UTRN: variants seen among roughly 807,000 people sequenced by gnomAD.
UTRN encodes utrophin.
Under a neutral mutation model 463.9 loss-of-function variants are expected in UTRN, and 283 were observed. The observed-to-expected ratio is 0.61, with a 90% CI of 0.55 to 0.67. UTRN has a LOEUF of 0.67. Among genes scored for constraint, UTRN ranks in the 30% least tolerant of loss-of-function variants. The pLI, the probability that UTRN is intolerant of heterozygous loss-of-function variation, is 0.00. For missense variants in UTRN, 3,922 were observed against 4,084.3 expected (o/e 0.96, Z 1.08); for synonymous variants, 1,442 against 1,431.5 (o/e 1.01, Z -0.17).
At chr6:144,553,906 ACT>A (rs1463167370) in intron 48 of UTRN, among the ~76,000 whole-genome samples, 11 of 134,554 alleles carry the variant, frequency 8.2e-5, no homozygotes, top group Middle Eastern at 8.0e-3. Context: ...ACAGAGCAAG[ACT>A]CTCTCTCAAA....
chr6:144,706,282 G>A (rs1237168629), intron 53 of UTRN, among the ~76,000 whole-genome samples: 1 of 148,130 alleles, frequency 6.8e-6, no homozygotes, highest in African/African-American at 2.5e-5. Context: ...ATATTCCATT[G>A]ATCAGGAAAA....
intron 65 of UTRN, among the ~76,000 whole-genome samples, chr6:144,808,553 T>C (rs1778345288): frequency 6.6e-6 from 1 of 152,084 alleles, no homozygotes; most frequent in African/African-American, 2.4e-5. Flanking sequence ...AGATGAGATC[T>C]AGTCTGTTAG....
At chr6:144,554,532 T>C (rs552665486) in intron 48 of UTRN, among the ~76,000 whole-genome samples, 156 bp from the exon 49 acceptor site, 13 of 152,332 alleles carry the variant, frequency 8.5e-5, no homozygotes, top group African/African-American at 3.1e-4. Context: ...TTGTATAGGA[T>C]GGCAGATGTA....
At chr6:144,555,877 A>G (rs1054675858) in intron 49 of UTRN, among the ~76,000 whole-genome samples, 3 of 152,206 alleles carry the variant, frequency 2.0e-5, no homozygotes, top group African/African-American at 7.2e-5. Flanking sequence ...TATTTTTATT[A>G]ATAAGTTTTT....
At chr6:144,761,999 A>G (rs1283066565) in intron 58 of UTRN, among the ~76,000 whole-genome samples, 3 of 152,220 alleles carry the variant, frequency 2.0e-5, no homozygotes, top group Non-Finnish European at 4.4e-5. Flanking sequence ...GTAATAAATT[A>G]CATTTTTGAA....
chr6:144,533,233 T>C lies in UTRN; in HGVS notation c.6206T>C (p.Val2069Ala), dbSNP rs759562912. Residue 2069 changes from valine to alanine, a missense_variant, in exon 43 of 75, where the codon GTT becomes GCT. Transcript: ENST00000367545. ...AGLNQRWDAI[V>A]AEVKDRQPRL... ...TTAAACCAACGCTGGGATGCAATTG[T>C]TGCAGAAGTGAAGGATAGGCAGCCA... 9 of 1,614,014 alleles carry C rather than the reference T, an allele frequency of 5.6e-6. No homozygotes were observed. The East Asian group carries it at 1.8e-4, about 32-fold the overall frequency.
chr6:144,479,475 C>A (rs1791624977), intron 25 of UTRN, among the ~76,000 whole-genome samples: 1 of 151,894 alleles, frequency 6.6e-6, no homozygotes, highest in Non-Finnish European at 1.5e-5. Context: ...ATAAGTAGTG[C>A]TACATTAAAT....
intron 55 of UTRN, among the ~76,000 whole-genome samples, chr6:144,750,163 C>A (rs1385172215): frequency 6.6e-6 from 1 of 150,942 alleles, no homozygotes; most frequent in African/African-American, 2.4e-5. Flanking sequence ...CCTTTGCCCA[C>A]CCTAACCCAC....
At chr6:144,615,574 A>G (rs1396955526) in intron 51 of UTRN, among the ~76,000 whole-genome samples, 1 of 152,070 alleles carries the variant, frequency 6.6e-6, no homozygotes, top group African/African-American at 2.4e-5. Flanking sequence ...GTCACGCTTG[A>G]TTGCTCATTT....
At chr6:144,722,188 C>A (rs1225447820) in intron 53 of UTRN, among the ~76,000 whole-genome samples, 2 of 152,212 alleles carry the variant, frequency 1.3e-5, no homozygotes, top group Non-Finnish European at 2.9e-5. Flanking sequence ...ATTCTTCACT[C>A]ACTCAGCTCT....
At chr6:144,703,948 A>T (rs1449655251) in intron 53 of UTRN, among the ~76,000 whole-genome samples, 1 of 152,186 alleles carries the variant, frequency 6.6e-6, no homozygotes, top group African/African-American at 2.4e-5. Flanking sequence ...TTATTTTATT[A>T]TTCAGCATGT....
intron 2 of UTRN, among the ~76,000 whole-genome samples, chr6:144,356,629 A>G (rs1778570343): frequency 6.6e-6 from 1 of 152,204 alleles, no homozygotes; most frequent in African/African-American, 2.4e-5. Flanking sequence ...CCTGGCTAAC[A>G]TGGTGAAACC....
chr6:144,630,307 G>A (rs1776376123), intron 51 of UTRN, among the ~76,000 whole-genome samples: 1 of 152,120 alleles, frequency 6.6e-6, no homozygotes, highest in Non-Finnish European at 1.5e-5. Flanking sequence ...CTTTGCTGAG[G>A]GCCTGTGTAT....
chr6:144,383,601 C>T (rs1042235420), intron 2 of UTRN, among the ~76,000 whole-genome samples: 27 of 152,296 alleles, frequency 1.8e-4, no homozygotes, highest in Non-Finnish European at 3.4e-4. Context: ...CAATATACTT[C>T]TCCCCTCCTC....
chr6:144,295,878 G>C (rs1218901894), intron 2 of UTRN, among the ~76,000 whole-genome samples: 1 of 152,142 alleles, frequency 6.6e-6, no homozygotes, highest in Admixed American at 6.5e-5. Flanking sequence ...TTCTCCAAAG[G>C]CCCAGTGTGT....
chr6:144,612,169 A>T (rs1320628368), intron 51 of UTRN, among the ~76,000 whole-genome samples: 1 of 152,156 alleles, frequency 6.6e-6, no homozygotes, highest in African/African-American at 2.4e-5. Flanking sequence ...CTGGATATCC[A>T]CATGTAAAAG....
At position 144,487,640 on chromosome 6, in the gene UTRN, T is replaced by C. The variant is rs1476515837; in HGVS notation, c.3915T>C (p.Asp1305=). The change falls in exon 29 of 75, where the codon GAT becomes GAC. Residue 1305 remains aspartate, a synonymous_variant. Coordinates refer to ENST00000367545, the MANE Select transcript of UTRN (RefSeq NM_007124.3). ...TGATTGATGGGGGGATCCTGGATGA[T>C]ATAATCAGTGAGAAACTGGAGGCTT... The part of the protein sequence containing the change: ...QTLIDGGILD[D]IISEKLEAFN... 1 of 1,613,380 alleles carries C rather than the reference T, an allele frequency of 6.2e-7. No individual in the cohort carries two copies. The highest frequency in any genetic ancestry group is 1.7e-5 in the Admixed American group (1 of 59,944).
chr6:144,472,704 A>G (rs142311055), intron 23 of UTRN, among the ~76,000 whole-genome samples: 114 of 152,224 alleles, frequency 7.5e-4, no homozygotes, highest in African/African-American at 2.6e-3. Context: ...TTGCCCACCT[A>G]TGGAAAGAAA....
intron 53 of UTRN, among the ~76,000 whole-genome samples, chr6:144,727,598 A>C (rs1208325177): frequency 2.0e-5 from 3 of 152,074 alleles, no homozygotes; most frequent in African/African-American, 7.2e-5. Context: ...CTCTACTAAA[A>C]ATACAAAAAA....
Sources: gnomAD v4.1 joint callset for allele counts (sites outside exome capture counted in the v4.1 genomes callset) on GRCh38, gnomAD v4.1.1 for gene constraint, MANE v1.5 for transcripts, NCBI Gene and HGNC (gene_info 2026-07-23, HGNC 2026-07-21) for gene names.